Variants in MALRD1 observed in about 807,000 individuals in gnomAD.
MALRD1 encodes MAM and LDL-receptor class A domain-containing protein 1.
MALRD1 carries 247 observed loss-of-function variants against 242.1 expected under a neutral mutation model. The observed-to-expected ratio is 1.02, with a 90% CI of 0.92 to 1.13. The LOEUF (loss-of-function observed/expected upper bound fraction) is 1.13, where lower values mean the gene tolerates loss of function less well. Ranked by LOEUF, MALRD1 falls within the 50% of genes most tolerant of loss-of-function variation. The probability of loss-of-function intolerance (pLI) is 0.00; values close to 1 mark genes in which losing one functional copy is unlikely to be tolerated. For synonymous variants in MALRD1, 995 were observed against 866.6 expected, an observed-to-expected ratio of 1.15 and a Z score of -2.60; for missense variants, 2,989 against 2,533.1, an observed-to-expected ratio of 1.18 and a Z score of -3.86.
intron 18 of MALRD1, among the ~76,000 whole-genome samples, chr10:19,251,264 T>C (rs1330617531): frequency 1.3e-5 from 2 of 152,016 alleles, no homozygotes; most frequent in East Asian, 1.9e-4. Flanking sequence ...ATTTCTTCTG[T>C]TAGGCACAGT....
chr10:19,227,570 A>G (rs950048921), intron 18 of MALRD1, among the ~76,000 whole-genome samples: 3 of 152,094 alleles, frequency 2.0e-5, no homozygotes, highest in Non-Finnish European at 4.4e-5. Context: ...AATTTTTTAG[A>G]TAAGAAAAGG....
chr10:19,175,089 T>C, intron 13 of MALRD1, 119 bp from the exon 14 acceptor site: 1 of 723,756 alleles, frequency 1.4e-6, no homozygotes, highest in East Asian at 3.7e-5. Context: ...AACAGTTTTC[T>C]AAAATTAGAT....
chr10:19,655,236 G>A (rs1430532190), intron 36 of MALRD1, among the ~76,000 whole-genome samples: 1 of 151,970 alleles, frequency 6.6e-6, no homozygotes, highest in Non-Finnish European at 1.5e-5. Flanking sequence ...TTTTGAAAAT[G>A]AAATGCAAAT....
chr10:19,427,170 T>C (rs1042191911), intron 28 of MALRD1, among the ~76,000 whole-genome samples: 2 of 152,198 alleles, frequency 1.3e-5, no homozygotes, highest in African/African-American at 4.8e-5. Flanking sequence ...ATTTTTTCTT[T>C]CTATATGGCA....
chr10:19,572,174 G>A (rs1836585330), intron 33 of MALRD1, among the ~76,000 whole-genome samples: 2 of 152,062 alleles, frequency 1.3e-5, no homozygotes, highest in Non-Finnish European at 2.9e-5. Flanking sequence ...GGTTTCCCAG[G>A]GCAACATTTT....
intron 28 of MALRD1, among the ~76,000 whole-genome samples, chr10:19,424,035 GA>G (rs553147379): frequency 6.6e-6 from 1 of 151,872 alleles, no homozygotes; most frequent in East Asian, 1.9e-4. Flanking sequence ...AAATAAAACA[GA>G]AAAAAAGACT....
intron 32 of MALRD1, among the ~76,000 whole-genome samples, chr10:19,553,762 G>A (rs1416732802): frequency 6.6e-6 from 1 of 152,176 alleles, no homozygotes; most frequent in Non-Finnish European, 1.5e-5. Context: ...ATGTTGTGAT[G>A]TGGCAGCAAT....
chr10:19,180,185 G>C (rs1835442842), intron 14 of MALRD1, among the ~76,000 whole-genome samples: 1 of 152,162 alleles, frequency 6.6e-6, no homozygotes, highest in Admixed American at 6.5e-5. Context: ...CCAGAAGTGT[G>C]GTGGCGCAAA....
chr10:19,177,850 T>TC (rs1033756458), intron 14 of MALRD1, among the ~76,000 whole-genome samples: 14 of 152,110 alleles, frequency 9.2e-5, no homozygotes, highest in African/African-American at 3.1e-4. Flanking sequence ...TAGAATTTCT[T>TC]CCCCCCTGGG....
At chr10:19,717,004 A>T (rs2131890489) in intron 38 of MALRD1, 1 of 152,312 alleles carries the variant, frequency 6.6e-6, no homozygotes, top group Middle Eastern at 3.4e-3. Context: ...GATTTTTCAA[A>T]ATTCTCATTT....
In MALRD1 at chr10:19,324,036, A is replaced by G; in HGVS notation, c.3507A>G (p.Ser1169=). ...DTADILTPII[S]LTGPKCTLVF... ...CTGACATTCTCACTCCTATCATTTCACTCACGGGACCAAAATGTACCTTGG... is the reference window on the plus strand; with the variant it reads ...CTGACATTCTCACTCCTATCATTTCGCTCACGGGACCAAAATGTACCTTGG... Residue 1169 remains serine, a synonymous_variant, in exon 22 of 40, where the codon TCA becomes TCG. Coordinates refer to ENST00000454679, the MANE Select transcript of MALRD1 (RefSeq NM_001142308.3). 1 of 1,550,682 alleles carries G rather than the reference A, an allele frequency of 6.4e-7. No individual in the cohort carries two copies. The highest frequency in any genetic ancestry group is 8.7e-7 in the Non-Finnish European group (1 of 1,146,908).
chr10:19,309,298 C>T (rs1315571578), intron 21 of MALRD1, among the ~76,000 whole-genome samples: 1 of 151,438 alleles, frequency 6.6e-6, no homozygotes, highest in Non-Finnish European at 1.5e-5. Flanking sequence ...TAACAACACT[C>T]ACCAATATTT....
intron 18 of MALRD1, among the ~76,000 whole-genome samples, chr10:19,224,232 T>C (rs2131673440): frequency 6.6e-6 from 1 of 152,190 alleles, no homozygotes; most frequent in South Asian, 2.1e-4. Flanking sequence ...TTTTTAATGA[T>C]TGCCATTCTA....
chr10:19,567,797 T>C, intron 33 of MALRD1, 94 bp downstream of exon 33: 1 of 1,122,334 alleles, frequency 8.9e-7, no homozygotes. Context: ...TACATTTATT[T>C]CTGGGTCCAG....
chr10:19,692,797 GTA>G (rs35862073), intron 38 of MALRD1, among the ~76,000 whole-genome samples: 127,434 of 139,296 alleles, frequency 0.91, 58,169 homozygotes, highest in Non-Finnish European at 0.95. Context: ...TTTTGAGGGC[GTA>G]TATATATATA....
chr10:19,385,469 T>C, intron 26 of MALRD1, among the ~76,000 whole-genome samples: 1 of 152,056 alleles, frequency 6.6e-6, no homozygotes, highest in Non-Finnish European at 1.5e-5. Context: ...TCAGTCTTAG[T>C]AGGCTGTAGG....
At chr10:19,376,828 C>T (rs1845629184) in intron 26 of MALRD1, among the ~76,000 whole-genome samples, 1 of 151,936 alleles carries the variant, frequency 6.6e-6, no homozygotes, top group Non-Finnish European at 1.5e-5. Context: ...ATCTGACCAC[C>T]TCGGCCTCCC....
chr10:19,140,543 A>ATGTGTG (rs34024633), intron 10 of MALRD1, among the ~76,000 whole-genome samples: 1,860 of 147,064 alleles, frequency 0.013, 25 homozygotes, highest in African/African-American at 0.024. Context: ...GTGTGTGTGT[A>ATGTGTG]TGTGTGTGTG....
At chr10:19,148,788 A>AAAAAATATATATATATATATATAT (rs1206724666) in intron 11 of MALRD1, among the ~76,000 whole-genome samples, 1 of 88,016 alleles carries the variant, frequency 1.1e-5, no homozygotes, top group Admixed American at 1.1e-4. Context: ...AAAAAAAAAA[A>AAAAAATATATATATATATATATAT]ATATATATAT....
Sources: gnomAD v4.1 joint callset for allele counts (sites outside exome capture counted in the v4.1 genomes callset) on GRCh38, gnomAD v4.1.1 for gene constraint, MANE v1.5 for transcripts, NCBI Gene and HGNC (gene_info 2026-07-23, HGNC 2026-07-21) for gene names.